Variants in ADORA2B observed in about 807,000 individuals in gnomAD.
ADORA2B encodes the protein adenosine A2b receptor.
Under a neutral mutation model 20.8 loss-of-function variants are expected in ADORA2B, and 18 were observed. The observed-to-expected ratio is 0.87, with a 90% confidence interval of 0.60 to 1.29. The LOEUF is 1.29. ADORA2B is among the 50% of genes most tolerant of loss of function. The pLI, the probability that ADORA2B is intolerant of heterozygous loss-of-function variation, is 0.00. For synonymous variants in ADORA2B, 179 were observed against 178.3 expected (o/e 1.00, Z -0.03); for missense variants, 441 against 422.7 (o/e 1.04, Z -0.38).
At chr17:15,958,372 C>T (rs1440574773) in intron 1 of ADORA2B, among the ~76,000 whole-genome samples, 1 of 152,232 alleles carries the variant, frequency 6.6e-6, no homozygotes, top group Non-Finnish European at 1.5e-5. Context: ...CCCATCTCCA[C>T]GTCTGCCCCA....
At chr17:15,951,690 C>A (rs1969903930) in intron 1 of ADORA2B, among the ~76,000 whole-genome samples, 1 of 152,234 alleles carries the variant, frequency 6.6e-6, no homozygotes, top group Non-Finnish European at 1.5e-5. Context: ...TGGGGTAATT[C>A]AATCCAGAGG....
At chr17:15,884,457 A>C in the ADORA2B span, among the ~76,000 whole-genome samples, 1 of 152,254 alleles carries the variant, frequency 6.6e-6, no homozygotes, top group South Asian at 2.1e-4. Context: ...GGTTTGTTAC[A>C]TAGGTAAACA....
the ADORA2B span, among the ~76,000 whole-genome samples, chr17:15,920,981 A>G: frequency 6.6e-6 from 1 of 152,110 alleles, no homozygotes; most frequent in Non-Finnish European, 1.5e-5. Context: ...CTCGCTCTGG[A>G]ATTGTTTGTA....
chr17:15,959,740 A>T (rs745479637), intron 1 of ADORA2B, among the ~76,000 whole-genome samples: 2 of 152,162 alleles, frequency 1.3e-5, no homozygotes, highest in Non-Finnish European at 2.9e-5. Flanking sequence ...ACCTCAGGTG[A>T]TCCACTCATC....
In ADORA2B at chr17:15,974,828, C is replaced by T. The variant is rs536085887; in HGVS notation, c.485C>T (p.Thr162Met). 2.4e-5 allele frequency: 39 copies of T among 1,614,102 alleles called. No homozygotes were observed. In the Middle Eastern group the frequency reaches 4.9e-4, roughly 20 times the overall value. Residue 162 changes from threonine to methionine, a missense_variant, in exon 2 of 2, where the codon ACG becomes ATG. Physicochemically the swap from Thr to Met is moderately conservative, Grantham distance 81. Transcript: ENST00000304222. ...NNCTEPWDGTTNESCCLVKCL... is the reference protein window; with the variant it reads ...NNCTEPWDGTMNESCCLVKCL... ...TGCACAGAACCCTGGGATGGAACCACGAATGAAAGCTGCTGCCTTGTGAAG... is the reference window on the plus strand; with the variant it reads ...TGCACAGAACCCTGGGATGGAACCATGAATGAAAGCTGCTGCCTTGTGAAG...
At chr17:15,929,688 A>C in the ADORA2B span, among the ~76,000 whole-genome samples, 1 of 152,250 alleles carries the variant, frequency 6.6e-6, no homozygotes, top group Non-Finnish European at 1.5e-5. Flanking sequence ...TCAACTTTAA[A>C]AAGGAAAGAA....
the ADORA2B span, among the ~76,000 whole-genome samples, chr17:15,928,239 T>G: frequency 6.6e-6 from 1 of 151,332 alleles, no homozygotes; most frequent in Non-Finnish European, 1.5e-5. Flanking sequence ...GTGTCAGGAG[T>G]GGGGACCGAG....
chr17:15,943,266 G>A (rs181015758), upstream of ADORA2B, among the ~76,000 whole-genome samples: 27 of 152,328 alleles, frequency 1.8e-4, no homozygotes, highest in South Asian at 1.7e-3. Context: ...TGCTGTCCTC[G>A]TTGGTGCAAG....
chr17:15,885,919 G>C, the ADORA2B span, among the ~76,000 whole-genome samples: 2 of 152,152 alleles, frequency 1.3e-5, no homozygotes, highest in Non-Finnish European at 2.9e-5. Context: ...AGTTTGGGTT[G>C]GTTTGTTACT....
the ADORA2B span, among the ~76,000 whole-genome samples, chr17:15,905,293 G>C: frequency 6.7e-6 from 1 of 149,038 alleles, no homozygotes; most frequent in African/African-American, 2.5e-5. Context: ...TTGGGGGGGG[G>C]TTGCGATTGT....
chr17:15,935,319 T>C, the ADORA2B span, among the ~76,000 whole-genome samples: 1 of 152,216 alleles, frequency 6.6e-6, no homozygotes, highest in Admixed American at 6.5e-5. Flanking sequence ...TTTTACTAGA[T>C]AGAGAATTTT....
chr17:15,926,959 A>G, the ADORA2B span, among the ~76,000 whole-genome samples: 3 of 152,186 alleles, frequency 2.0e-5, no homozygotes, highest in African/African-American at 7.2e-5. Flanking sequence ...CAGCAGAGCA[A>G]GACCCTGTCT....
the ADORA2B span, among the ~76,000 whole-genome samples, chr17:15,911,527 T>TCCC: frequency 6.6e-6 from 1 of 152,052 alleles, no homozygotes; most frequent in Non-Finnish European, 1.5e-5. Flanking sequence ...GTTTCCCTCC[T>TCCC]TCCACACTGG....
upstream of ADORA2B, among the ~76,000 whole-genome samples, chr17:15,942,146 C>T (rs896446578): frequency 1.3e-5 from 2 of 152,124 alleles, no homozygotes; most frequent in Non-Finnish European, 2.9e-5. Flanking sequence ...TCTGTCCTCC[C>T]AAATCTCATG....
the ADORA2B span, among the ~76,000 whole-genome samples, chr17:15,880,648 C>G: frequency 1.3e-5 from 2 of 151,592 alleles, no homozygotes; most frequent in African/African-American, 4.9e-5. Flanking sequence ...GGTGAGAAAC[C>G]AGGGTGAACA....
Position 15,945,193 on chromosome 17 carries a change from G to A in ADORA2B, c.-56G>A. 7.4e-7 allele frequency: 1 copy of A among 1,358,454 alleles called. No individual in the cohort carries two copies. The highest frequency in any genetic ancestry group is 9.4e-7 in the Non-Finnish European group (1 of 1,058,270). The allele number at this position is 1,358,454 out of a possible 1,614,324, so 84.2% of individuals were successfully genotyped here. A position where few individuals can be genotyped will look rare whatever the true frequency, so the allele number is the denominator to read the frequency against. ...CATGCCCGGCGGGTCTCACGCGGCT[G>A]CCCCTCGCCCGGCGCGCCTTCGGTA... On this transcript the variant is annotated 5_prime_UTR_variant, in exon 1 of 2. Transcript: ENST00000304222.
chr17:15,879,487 C>T, the ADORA2B span, among the ~76,000 whole-genome samples: 1 of 151,262 alleles, frequency 6.6e-6, no homozygotes, highest in Non-Finnish European at 1.5e-5. Flanking sequence ...ATTTATTTTA[C>T]TGCCTTCTCT....
chr17:15,867,055 G>A, the ADORA2B span, among the ~76,000 whole-genome samples: 47 of 152,378 alleles, frequency 3.1e-4, no homozygotes, highest in Non-Finnish European at 1.2e-4. Context: ...CCGAGGTGCC[G>A]GGATGGCAGA....
chr17:15,932,951 ATTTT>A, the ADORA2B span, among the ~76,000 whole-genome samples: 37 of 135,950 alleles, frequency 2.7e-4, no homozygotes, highest in East Asian at 6.3e-4. Context: ...TAGTCCTTCA[ATTTT>A]TTTTTTTTTT....
Sources: gnomAD v4.1 joint callset for allele counts (sites outside exome capture counted in the v4.1 genomes callset) on GRCh38, gnomAD v4.1.1 for gene constraint, MANE v1.5 for transcripts, NCBI Gene and HGNC (gene_info 2026-07-23, HGNC 2026-07-21) for gene names.